The following TNIP2 variants were observed in gnomAD, a reference collection of about 807,000 sequenced individuals.
TNIP2 encodes TNFAIP3-interacting protein 2.
TNIP2 carries 30 observed loss-of-function variants against 43.7 expected under a neutral mutation model. The ratio of observed to expected loss-of-function variants is 0.69; its 90% confidence interval spans 0.51 to 0.93. The LOEUF (loss-of-function observed/expected upper bound fraction) is 0.93. Ranked by LOEUF, TNIP2 falls within the 40% of genes least tolerant of loss-of-function variation. TNIP2 has a pLI of 0.00. For missense variants in TNIP2, 599 were observed against 591.0 expected (o/e 1.01, Z -0.14); for synonymous variants, 260 against 254.6 (o/e 1.02, Z -0.20).
At position 2,742,434 on chromosome 4, in the gene TNIP2, C is replaced by T. The variant is rs867013181; in HGVS notation, c.1113G>A (p.Val371=). Residue 371 remains valine, a synonymous_variant, in exon 6 of 6, where the codon GTG becomes GTA. Transcript: ENST00000315423. ...CAGTCCCAGGCCTCCAGCCACCAGG[C>T]ACCATAAGCTCTAATGCGTCGGCGG... ...YLAADALELM[V]PGGWRPGTGS... is the part of the protein sequence containing the mutation. The T allele has an allele frequency of 4.3e-6, 7 of 1,612,924 alleles. No individual in the cohort carries two copies. Among genetic ancestry groups the T allele is most frequent in the Non-Finnish European group, 5.9e-6 (7 of 1,179,372 alleles).
At chr4:2,743,663 G>C (rs563975815) in intron 5 of TNIP2, among the ~76,000 whole-genome samples, 1 of 152,182 alleles carries the variant, frequency 6.6e-6, no homozygotes, top group Non-Finnish European at 1.5e-5. Flanking sequence ...AGCCCGGGAC[G>C]CATCGATTCT....
intron 1 of TNIP2, 126 bp downstream of exon 1, chr4:2,755,888 C>G: frequency 7.8e-7 from 1 of 1,275,914 alleles, no homozygotes; most frequent in South Asian, 1.9e-5. Flanking sequence ...GAGGCCAACT[C>G]AACCCCAGGA....
chr4:2,742,397 G>C lies in TNIP2; in HGVS notation c.1150C>G (p.Pro384Ala). 6.2e-7 allele frequency: 1 copy of C among 1,611,174 alleles called. No individual in the cohort carries two copies. Among genetic ancestry groups the C allele is most frequent in the South Asian group, 1.1e-5 (1 of 90,590 alleles). ...GWRPGTGSQQ[P>A]EPPAEGGHPG... ...TGCCCGCCCTCTGCAGGGGGTTCTG[G>C]CTGCTGGGACCCAGTCCCAGGCCTC... Residue 384 changes from proline to alanine, a missense_variant, in exon 6 of 6, where the codon CCA becomes GCA. Physicochemically the swap from Pro to Ala is conservative, Grantham distance 27. Coordinates refer to ENST00000315423, the MANE Select transcript of TNIP2 (RefSeq NM_024309.4).
At position 2,744,293 on chromosome 4, in the gene TNIP2, A is replaced by T. The variant is rs1474737666; in HGVS notation, c.1026+94T>A. The T allele has an allele frequency of 2.0e-6, 3 of 1,523,520 alleles. No individual in the cohort carries two copies. The highest frequency in any genetic ancestry group is 2.7e-6 in the Non-Finnish European group (3 of 1,116,316). 94.4% of individuals were successfully genotyped at this position (1,523,520 alleles called of 1,614,324 possible). A position where few individuals can be genotyped will look rare whatever the true frequency, so the allele number is the denominator to read the frequency against. ...CCACAACCCTCATCACCAGCAAATCAGGGCCTTGGCAGACACAGAAAGGCT... is the reference window on the plus strand; with the variant it reads ...CCACAACCCTCATCACCAGCAAATCTGGGCCTTGGCAGACACAGAAAGGCT... On this transcript the variant is annotated intron_variant, in intron 5 of 5. Transcript: ENST00000315423. The surrounding 1 kb of genome is among the most constrained non-coding windows in gnomAD (Gnocchi z 5.1).
chr4:2,743,661 A>G lies in TNIP2; in HGVS notation c.1026+726T>C, dbSNP rs140571803. On this transcript the variant is annotated intron_variant, in intron 5 of 5. Coordinates refer to ENST00000315423, the MANE Select transcript of TNIP2 (RefSeq NM_024309.4). ...GCTGACGTCCTAGCTCCAGCCCGGGACGCATCGATTCTCAAGAGGCATCAC... is the reference window on the plus strand; with the variant it reads ...GCTGACGTCCTAGCTCCAGCCCGGGGCGCATCGATTCTCAAGAGGCATCAC... Among the ~76,000 whole-genome samples the G allele has an allele frequency of 7.9e-5, 12 of 152,262 alleles. No individual in the cohort carries two copies. In the East Asian group the frequency reaches 2.3e-3, roughly 29 times the overall value.
chr4:2,741,660 G>A lies in TNIP2; in HGVS notation c.*597C>T, dbSNP rs1721787426. Reference sequence around the variant, plus strand: ...CCAGCTTCCAACACAAATTCTCAGAGCAGTCACAGCAGCAAGAACGTTTAT... The same window carrying A: ...CCAGCTTCCAACACAAATTCTCAGAACAGTCACAGCAGCAAGAACGTTTAT... On this transcript the variant is annotated 3_prime_UTR_variant, in exon 6 of 6. Coordinates refer to ENST00000315423, the MANE Select transcript of TNIP2 (RefSeq NM_024309.4). 1 of 152,186 alleles carries A rather than the reference G, an allele frequency of 6.6e-6. No homozygotes were observed. Among genetic ancestry groups the A allele is most frequent in the Admixed American group, 6.5e-5 (1 of 15,272 alleles). 9.4% of individuals were successfully genotyped at this position (152,186 alleles called of 1,614,324 possible). A position where few individuals can be genotyped will look rare whatever the true frequency, so the allele number is the denominator to read the frequency against.
chr4:2,747,108 G>A (rs1577308574), intron 2 of TNIP2, among the ~76,000 whole-genome samples: 1 of 152,370 alleles, frequency 6.6e-6, no homozygotes, highest in East Asian at 1.9e-4. Context: ...AAGCTTGCGG[G>A]AGGCCGTGCT....
intron 1 of TNIP2, among the ~76,000 whole-genome samples, chr4:2,750,410 A>ATTATTATT (rs1456299097): frequency 7.4e-5 from 11 of 148,568 alleles, no homozygotes; most frequent in Admixed American, 1.3e-4. Flanking sequence ...TATTATTATT[A>ATTATTATT]TTATTATTAT....
At chr4:2,745,572 A>C in intron 2 of TNIP2, 37 bp from the exon 3 acceptor site, 1 of 1,454,934 alleles carries the variant, frequency 6.9e-7, no homozygotes, top group Non-Finnish European at 9.6e-7. Context: ...ACACTCTGTC[A>C]CATACAGCAA....
rs772279839 is a variant in TNIP2 at position 2,744,875 on chromosome 4, G to C, written c.728C>G (p.Ala243Gly). 6.2e-7 allele frequency: 1 copy of C among 1,613,922 alleles called. No homozygotes were observed. Among genetic ancestry groups the C allele is most frequent in the East Asian group, 2.2e-5 (1 of 44,876 alleles). ...SRDEYVRGLH[A>G]QLRGLQIPHE... ...GGGGATCTGCAGCCCCCTGAGCTGC[G>C]CATGGAGCCCCCTCACGTATTCGTC... The change falls in exon 4 of 6, where the codon GCG (alanine) becomes GGG (glycine). Residue 243 changes from alanine (A) to glycine (G), a missense_variant. By Grantham distance (60) the Ala-to-Gly change is moderately conservative (BLOSUM62 0). Coordinates refer to ENST00000315423, the MANE Select transcript of TNIP2 (RefSeq NM_024309.4). This position sits in a 1 kb window ranked among gnomAD's most constrained non-coding sequence, Gnocchi z 5.1.
At position 2,756,314 on chromosome 4, in the gene TNIP2, G is replaced by C; in HGVS notation, c.-25C>G. 8.3e-7 allele frequency: 1 copy of C among 1,202,788 alleles called. No individual in the cohort carries two copies. The highest frequency in any genetic ancestry group is 1.0e-6 in the Non-Finnish European group (1 of 968,966). The allele number at this position is 1,202,788 out of a possible 1,614,324, so 74.5% of individuals were successfully genotyped here. A position where few individuals can be genotyped will look rare whatever the true frequency, so the allele number is the denominator to read the frequency against. On this transcript the variant is annotated 5_prime_UTR_variant, in exon 1 of 6. Transcript: ENST00000315423. ...TGGCTGTAGGCCCGCCCGGGAGGCC[G>C]CGCGGCCGCCGGCAACTTCCGCGCC...
At position 2,747,744 on chromosome 4, in the gene TNIP2, C is replaced by A. The variant is rs1178523629; in HGVS notation, c.478G>T (p.Ala160Ser). Reference sequence around the variant, plus strand: ...AGATGCTGACACATGTGGGCGGTGGCGGTCAGCGTCCTCCGCAGCTGATGG... The same window carrying A: ...AGATGCTGACACATGTGGGCGGTGGAGGTCAGCGTCCTCCGCAGCTGATGG... ...ETHQLRRTLT[A>S]TAHMCQHLAK... The change falls in exon 2 of 6, where the codon GCC (alanine) becomes TCC (serine). Residue 160 changes from alanine to serine, a missense_variant. By Grantham distance (99) the Ala-to-Ser change is moderately conservative. Transcript: ENST00000315423. The A allele has an allele frequency of 1.1e-5, 17 of 1,608,652 alleles. No individual in the cohort carries two copies. In the East Asian group the frequency reaches 3.6e-4, roughly 34 times the overall value.
chr4:2,743,046 C>T (rs534673987), intron 5 of TNIP2, among the ~76,000 whole-genome samples: 58 of 152,286 alleles, frequency 3.8e-4, no homozygotes, highest in Admixed American at 2.7e-3. Flanking sequence ...TCCAAACATC[C>T]GTCCTGAAGC....
In TNIP2 at chr4:2,756,009, C is replaced by G. The variant is rs774429721; in HGVS notation, c.276+5G>C. On this transcript the variant is annotated splice_donor_5th_base_variant and intron_variant, in intron 1 of 5. Transcript: ENST00000315423. ...CCGCAGCTCCTCTGGTACCCGCCCT[C>G]GTACCTGGCGCATCTGGGCCTCGGC... 5.8e-6 allele frequency: 9 copies of G among 1,545,826 alleles called. No homozygotes were observed. The African/African-American group carries it at 9.9e-5, about 17-fold the overall frequency.
chr4:2,744,491 C>G lies in TNIP2; in HGVS notation c.922G>C (p.Asp308His). ...MLEQQILAYK[D>H]DFMSERADRE... is the part of the protein sequence containing the mutation. ...TCGGCCCTTTCTGACATGAAGTCAT[C>G]CTTGTAAGCGAGAATCTGAAGAGAG... Residue 308 changes from aspartate (D) to histidine (H), a missense_variant, in exon 5 of 6, where the codon GAT (aspartate) becomes CAT (histidine). By Grantham distance (81) the Asp-to-His change is moderately conservative. Coordinates refer to ENST00000315423, the MANE Select transcript of TNIP2 (RefSeq NM_024309.4). This position sits in a 1 kb window ranked among gnomAD's most constrained non-coding sequence, Gnocchi z 5.1. 1 of 1,614,222 alleles carries G rather than the reference C, an allele frequency of 6.2e-7. No individual in the cohort carries two copies. Among genetic ancestry groups the G allele is most frequent in the Non-Finnish European group, 8.5e-7 (1 of 1,180,034 alleles).
rs961623759 is a variant in TNIP2 at position 2,747,874 on chromosome 4, T to G, written c.348A>C (p.Gln116His). The change falls in exon 2 of 6, where the codon CAA (glutamine) becomes CAC (histidine). Residue 116 changes from glutamine (Q) to histidine (H), a missense_variant. By Grantham distance (24) the Gln-to-His change is conservative. Transcript: ENST00000315423. ...REMQQLLSQP[Q>H]HEREKEVVLL... ...GGACGACTTCCTTCTCTCGCTCGTG[T>G]TGGGGCTGGCTCAGCAGCTGCTGCA... 3 of 1,613,880 alleles carry G rather than the reference T, an allele frequency of 1.9e-6. No individual in the cohort carries two copies. The highest frequency in any genetic ancestry group is 1.7e-5 in the Admixed American group (1 of 60,030).
At chr4:2,745,761 C>G (rs1160758713) in intron 2 of TNIP2, among the ~76,000 whole-genome samples, 1 of 152,266 alleles carries the variant, frequency 6.6e-6, no homozygotes. Flanking sequence ...GTCTTCAGGC[C>G]ACACCACCTT....
Position 2,744,681 on chromosome 4 carries a change from C to T in TNIP2, c.906+16G>A. The T allele has an allele frequency of 3.8e-6, 6 of 1,596,056 alleles. No homozygotes were observed. Among genetic ancestry groups the T allele is most frequent in the Non-Finnish European group, 5.1e-6 (6 of 1,175,976 alleles). ...GACATCTGGTCAGTGCCGTCCGGAG[C>T]CCGAGGGACAGACACCTGCTGTTCC... On this transcript the variant is annotated intron_variant, in intron 4 of 5. Coordinates refer to ENST00000315423, the MANE Select transcript of TNIP2 (RefSeq NM_024309.4). The surrounding 1 kb of genome is among the most constrained non-coding windows in gnomAD (Gnocchi z 5.1).
chr4:2,751,620 A>T (rs1722104370), intron 1 of TNIP2, among the ~76,000 whole-genome samples: 1 of 151,890 alleles, frequency 6.6e-6, no homozygotes, highest in Non-Finnish European at 1.5e-5. Context: ...AAATACAAAA[A>T]ACATTAGCCA....
Sources: allele counts gnomAD v4.1 joint callset (sites outside exome capture counted in the v4.1 genomes callset), GRCh38; gene constraint gnomAD v4.1.1; non-coding constraint Gnocchi (gnomAD v3.1); transcripts MANE v1.5; gene names NCBI Gene and HGNC (gene_info 2026-07-23, HGNC 2026-07-21).